DEFA6: variants seen among roughly 807,000 people sequenced by gnomAD.
The protein encoded by DEFA6 is defensin-6.
DEFA6 carries 8 observed loss-of-function variants against 5.1 expected under a neutral mutation model. That is an observed-to-expected ratio of 1.57 (90% CI 0.92 to 2.83). DEFA6 has a LOEUF of 2.83. DEFA6 is among the 30% of genes most tolerant of loss of function. The probability of loss-of-function intolerance (pLI) is 0.00; values close to 1 mark genes in which losing one functional copy is unlikely to be tolerated. For missense variants in DEFA6, 191 were observed against 119.1 expected, an observed-to-expected ratio of 1.60 and a Z score of -2.81; for synonymous variants, 74 against 45.3, an observed-to-expected ratio of 1.63 and a Z score of -2.54.
intron 1 of DEFA6, 31 bp from the exon 2 acceptor site, chr8:6,924,958 T>A: frequency 6.7e-7 from 1 of 1,485,460 alleles, no homozygotes; most frequent in African/African-American, 1.4e-5. Flanking sequence ...CATCAGAAAT[T>A]GAGCACCAGG....
rs1179927461 is a variant in DEFA6, at chr8:6,926,019, A to T, written c.17T>A (p.Ile6Asn). 1 of 1,611,326 alleles carries T rather than the reference A, an allele frequency of 6.2e-7. No homozygotes were observed. Among genetic ancestry groups the T allele is most frequent in the South Asian group, 1.1e-5 (1 of 90,344 alleles). The change falls in exon 1 of 2, where the codon ATC becomes AAC. Residue 6 changes from isoleucine (I) to asparagine (N), a missense_variant. Ile to Asn is a moderately radical substitution (Grantham distance 149, BLOSUM62 -3). Transcript: ENST00000297436. ...GGCCACGAGGAGAACAGCAGTGAGG[A>T]TGGTGAGGGTTCTCATGGCTAGGGT... MRTLTILTAVLLVALQ... is the reference protein window; with the variant it reads MRTLTNLTAVLLVALQ...
rs1808424419 is a variant in DEFA6 at position 6,925,995 on chromosome 8, G to C, written c.41C>G (p.Ala14Gly). The change falls in exon 1 of 2, where the codon GCC (alanine) becomes GGC (glycine). Residue 14 changes from alanine to glycine, a missense_variant. Transcript: ENST00000297436. ...GAGTGGCTCAGCCTTGGCCTGGAGG[G>C]CCACGAGGAGAACAGCAGTGAGGAT... ...LTILTAVLLV[A>G]LQAKAEPLQA... 6.2e-7 allele frequency: 1 copy of C among 1,613,194 alleles called. No homozygotes were observed. Among genetic ancestry groups the C allele is most frequent in the Non-Finnish European group, 8.5e-7 (1 of 1,179,764 alleles).
chr8:6,925,309 A>G (rs909253297), intron 1 of DEFA6, among the ~76,000 whole-genome samples: 1 of 152,172 alleles, frequency 6.6e-6, no homozygotes, highest in African/African-American at 2.4e-5. Flanking sequence ...TCACAAGGTC[A>G]GGAGTTCAAG....
At chr8:6,925,144 C>G (rs969672628) in intron 1 of DEFA6, among the ~76,000 whole-genome samples, 1 of 152,118 alleles carries the variant, frequency 6.6e-6, no homozygotes, top group African/African-American at 2.4e-5. Context: ...TTATCTGCTC[C>G]TTCCCTGTCA....
chr8:6,925,995 G>T lies in DEFA6; in HGVS notation c.41C>A (p.Ala14Asp), dbSNP rs1808424419. 6.2e-7 allele frequency: 1 copy of T among 1,613,194 alleles called. No individual in the cohort carries two copies. Among genetic ancestry groups the T allele is most frequent in the African/African-American group, 1.3e-5 (1 of 74,934 alleles). ...GAGTGGCTCAGCCTTGGCCTGGAGG[G>T]CCACGAGGAGAACAGCAGTGAGGAT... ...LTILTAVLLV[A>D]LQAKAEPLQA... The change falls in exon 1 of 2, where the codon GCC becomes GAC. Residue 14 changes from alanine to aspartate, a missense_variant. Ala to Asp is a moderately radical substitution (Grantham distance 126). Transcript: ENST00000297436.
intron 1 of DEFA6, 65 bp from the exon 2 acceptor site, chr8:6,924,992 A>G (rs1441849758): frequency 9.3e-7 from 1 of 1,075,354 alleles, no homozygotes; most frequent in Non-Finnish European, 1.4e-6. Context: ...AGTAAAGAGA[A>G]TCTTCAGGAA....
intron 1 of DEFA6, among the ~76,000 whole-genome samples, chr8:6,925,606 A>G (rs1808403725): frequency 6.6e-6 from 1 of 152,236 alleles, no homozygotes. Context: ...ACTCCTCAAT[A>G]CATTTCTACA....
intron 1 of DEFA6, 49 bp from the exon 2 acceptor site, chr8:6,924,976 G>T: frequency 7.7e-7 from 1 of 1,292,568 alleles, no homozygotes. Context: ...AGGGTCAGCA[G>T]CGGGCAGTAA....
In DEFA6 at chr8:6,926,017, G is replaced by T; in HGVS notation, c.19C>A (p.Leu7Ile). MRTLTI[L>I]TAVLLVALQA... ...AGGGCCACGAGGAGAACAGCAGTGA[G>T]GATGGTGAGGGTTCTCATGGCTAGG... Residue 7 changes from leucine to isoleucine, a missense_variant, in exon 1 of 2, where the codon CTC (leucine) becomes ATC (isoleucine). Leu to Ile is a conservative substitution (Grantham distance 5). Coordinates refer to ENST00000297436, the MANE Select transcript of DEFA6 (RefSeq NM_001926.4). 6.2e-7 allele frequency: 1 copy of T among 1,611,274 alleles called. No homozygotes were observed. Among genetic ancestry groups the T allele is most frequent in the South Asian group, 1.1e-5 (1 of 90,342 alleles).
intron 1 of DEFA6, among the ~76,000 whole-genome samples, chr8:6,925,605 T>A (rs1808403669): frequency 6.6e-6 from 1 of 152,370 alleles, no homozygotes; most frequent in Middle Eastern, 3.4e-3. Flanking sequence ...GACTCCTCAA[T>A]ACATTTCTAC....
chr8:6,925,041 A>G, intron 1 of DEFA6, 114 bp from the exon 2 acceptor site: 3 of 652,128 alleles, frequency 4.6e-6, no homozygotes, highest in Non-Finnish European at 8.3e-6. Context: ...GCTGCATTAC[A>G]GCCAATAGCA....
chr8:6,925,911 C>T lies in DEFA6; in HGVS notation c.125G>A (p.Arg42His), dbSNP rs376197932. 7.4e-5 allele frequency: 120 copies of T among 1,614,020 alleles called. No individual in the cohort carries two copies. The highest frequency in any genetic ancestry group is 3.3e-4 in the Middle Eastern group (2 of 6,084). Residue 42 changes from arginine (R) to histidine (H), a missense_variant, in exon 1 of 2, where the codon CGT (arginine) becomes CAT (histidine). Transcript: ENST00000297436. ...KAYEADAQEQ[R>H]GANDQDFAVS... Reference sequence around the variant, plus strand: ...GGCAAAGTCCTGGTCATTTGCCCCACGCTGCTCCTGGGCATCAGCCTCATA... The same window carrying T: ...GGCAAAGTCCTGGTCATTTGCCCCATGCTGCTCCTGGGCATCAGCCTCATA...
Sources: gnomAD v4.1 joint callset for allele counts (sites outside exome capture counted in the v4.1 genomes callset) on GRCh38, gnomAD v4.1.1 for gene constraint, MANE v1.5 for transcripts, NCBI Gene and HGNC (gene_info 2026-07-23, HGNC 2026-07-21) for gene names.